Variants in RBFOX1 observed in about 807,000 individuals in gnomAD.
RBFOX1 encodes the protein RNA binding fox-1 homolog 1, also known as RNA binding protein fox-1 homolog 1.
A neutral mutation model predicts 57.7 loss-of-function variants in RBFOX1; 8 were observed. The ratio of observed to expected loss-of-function variants is 0.14; its 90% confidence interval spans 0.08 to 0.25. The LOEUF (loss-of-function observed/expected upper bound fraction) is 0.25, where lower values mean the gene tolerates loss of function less well. Ranked by LOEUF, RBFOX1 falls within the 10% of genes least tolerant of loss-of-function variation. The probability of loss-of-function intolerance (pLI) is 1.00; values close to 1 mark genes in which losing one functional copy is unlikely to be tolerated. For missense variants in RBFOX1, 611 were observed against 548.5 expected (o/e 1.11, Z -1.14); for synonymous variants, 326 against 222.4 (o/e 1.47, Z -4.15).
At chr16:6,242,426 A>C (rs560198502) in intron 1 of RBFOX1, among the ~76,000 whole-genome samples, 40 of 151,866 alleles carry the variant, frequency 2.6e-4, no homozygotes, top group African/African-American at 9.2e-4. Context: ...ACAGGATCTC[A>C]CTATGTTGCC....
chr16:5,731,362 C>T (rs2052367452), intron 3 of RBFOX1, among the ~76,000 whole-genome samples: 1 of 152,124 alleles, frequency 6.6e-6, no homozygotes, highest in African/African-American at 2.4e-5. Flanking sequence ...TTAATCAATT[C>T]ATATTTACAA....
At chr16:7,420,300 C>T (rs946413433) in intron 4 of RBFOX1, among the ~76,000 whole-genome samples, 1 of 152,160 alleles carries the variant, frequency 6.6e-6, no homozygotes, top group Non-Finnish European at 1.5e-5. Context: ...GCCTCCCAAA[C>T]ATGAGACATG....
At chr16:7,081,485 C>G (rs1029330187) in intron 4 of RBFOX1, among the ~76,000 whole-genome samples, 1 of 152,158 alleles carries the variant, frequency 6.6e-6, no homozygotes, top group African/African-American at 2.4e-5. Flanking sequence ...TAGAGAAATT[C>G]ACCTCCCAAG....
At chr16:6,199,013 A>G (rs770684748) in intron 1 of RBFOX1, among the ~76,000 whole-genome samples, 4 of 152,168 alleles carry the variant, frequency 2.6e-5, no homozygotes, top group South Asian at 2.1e-4. Flanking sequence ...TAGAATATAT[A>G]TATTTTTTCA....
chr16:5,821,285 TCTC>T (rs1184858936), intron 3 of RBFOX1, among the ~76,000 whole-genome samples: 1 of 148,384 alleles, frequency 6.7e-6, no homozygotes, highest in East Asian at 2.0e-4. Flanking sequence ...TCTGTCATTC[TCTC>T]TTTTTTTATT....
chr16:6,644,676 C>G (rs566148704), intron 2 of RBFOX1, among the ~76,000 whole-genome samples: 1 of 152,300 alleles, frequency 6.6e-6, no homozygotes, highest in African/African-American at 2.4e-5. Context: ...TTCCATTGCT[C>G]TTCCAGAGTG....
intron 2 of RBFOX1, among the ~76,000 whole-genome samples, chr16:6,555,749 A>G (rs1028592191): frequency 6.6e-6 from 1 of 152,074 alleles, no homozygotes; most frequent in Non-Finnish European, 1.5e-5. Context: ...CATTCCATCT[A>G]TTGTGTGTTT....
rs565251347 is a variant in RBFOX1 at position 5,296,512 on chromosome 16, C to G, written c.219+56407C>G. Among the ~76,000 whole-genome samples, 5 of 151,678 alleles carry G rather than the reference C, an allele frequency of 3.3e-5. No homozygotes were observed. The East Asian group carries it at 9.7e-4, about 29-fold the overall frequency. Reference sequence around the variant, plus strand: ...CAGGGATCTGAAAAAGTCAACGAGACAAATCCTTGGTTCTCAGCAGTTCAA... The same window carrying G: ...CAGGGATCTGAAAAAGTCAACGAGAGAAATCCTTGGTTCTCAGCAGTTCAA... On this transcript the variant is annotated intron_variant, in intron 1 of 2. Transcript: ENST00000585867.
At position 7,642,987 on chromosome 16, in the gene RBFOX1, A is replaced by G. The variant is rs540530919; in HGVS notation, c.758-10828A>G. On this transcript the variant is annotated intron_variant, in intron 11 of 15. Coordinates refer to ENST00000550418, the MANE Select transcript of RBFOX1 (RefSeq NM_018723.4). ...GGCAAATCACAAATACCTCTTCTGC[A>G]TAGTAAAAACATATCACTACACATT... Among the ~76,000 whole-genome samples, 15 of 152,342 alleles carry G rather than the reference A, an allele frequency of 9.8e-5. 1 individual carries two copies. Among genetic ancestry groups the G allele is most frequent in the South Asian group, 4.1e-4 (2 of 4,830 alleles).
intron 4 of RBFOX1, among the ~76,000 whole-genome samples, chr16:7,238,721 GC>G (rs1223230605): frequency 6.6e-6 from 1 of 152,106 alleles, no homozygotes; most frequent in South Asian, 2.1e-4. Context: ...GGTTTGTTGT[GC>G]AGATTATTTC....
At chr16:7,612,594 C>T (rs2057724557) in intron 10 of RBFOX1, among the ~76,000 whole-genome samples, 1 of 151,410 alleles carries the variant, frequency 6.6e-6, no homozygotes, top group African/African-American at 2.4e-5. Flanking sequence ...GAGAATTTCC[C>T]TTGTCTTCTA....
intron 4 of RBFOX1, among the ~76,000 whole-genome samples, chr16:7,075,080 C>G (rs113231162): frequency 3.3e-5 from 5 of 152,272 alleles, no homozygotes; most frequent in African/African-American, 1.2e-4. Context: ...TCGATAGTAG[C>G]CAAGATGAAG....
chr16:7,702,411 G>A (rs2081045295), intron 14 of RBFOX1, among the ~76,000 whole-genome samples: 1 of 152,202 alleles, frequency 6.6e-6, no homozygotes, highest in Non-Finnish European at 1.5e-5. Context: ...CAAGAGATTT[G>A]TCAGAAGCCT....
intron 2 of RBFOX1, among the ~76,000 whole-genome samples, chr16:6,363,381 C>G (rs2088972177): frequency 6.6e-6 from 1 of 152,174 alleles, no homozygotes; most frequent in African/African-American, 2.4e-5. Flanking sequence ...TACCCTAAAT[C>G]TTTGCTTGCA....
At chr16:7,345,822 AT>A (rs758255362) in intron 4 of RBFOX1, among the ~76,000 whole-genome samples, 1 of 151,742 alleles carries the variant, frequency 6.6e-6, no homozygotes, top group Non-Finnish European at 1.5e-5. Flanking sequence ...TTTAATTTTA[AT>A]TTTTTGTTTT....
rs115089214 is a variant in RBFOX1, at chr16:7,052,322, G to C, written c.27+224G>C. Among the ~76,000 whole-genome samples, 515 of 152,230 alleles carry C rather than the reference G, an allele frequency of 3.4e-3. 3 individuals are homozygous for C. The highest frequency in any genetic ancestry group is 0.011 in the African/African-American group (477 of 41,544). ...TAGTAGATATGGATTTTTTGATTTA[G>C]ATTCAGCAATAAATACTTTTCTTCT... On this transcript the variant is annotated intron_variant, in intron 4 of 15. Transcript: ENST00000550418.
chr16:6,704,384 A>C (rs2062360784), intron 3 of RBFOX1: 1 of 152,224 alleles, frequency 6.6e-6, no homozygotes. Flanking sequence ...AACCTAGACA[A>C]ACATGAGGTG....
At chr16:6,863,586 C>T (rs1308864543) in intron 3 of RBFOX1, among the ~76,000 whole-genome samples, 3 of 148,998 alleles carry the variant, frequency 2.0e-5, no homozygotes, top group African/African-American at 5.0e-5. Context: ...GTGATCTGTT[C>T]CTGGACGCCA....
At chr16:5,818,837 A>G (rs563540530) in intron 3 of RBFOX1, among the ~76,000 whole-genome samples, 59 of 152,294 alleles carry the variant, frequency 3.9e-4, no homozygotes, top group Admixed American at 1.4e-3. Flanking sequence ...CAAAGGGGCT[A>G]CAGTGGGAGA....
Sources: gnomAD v4.1 joint callset for allele counts (sites outside exome capture counted in the v4.1 genomes callset) on GRCh38, gnomAD v4.1.1 for gene constraint, MANE v1.5 for transcripts, NCBI Gene and HGNC (gene_info 2026-07-23, HGNC 2026-07-21) for gene names.